Variants in SLC1A3 observed in about 807,000 individuals in gnomAD.
SLC1A3 encodes excitatory amino acid transporter 1.
SLC1A3 carries 21 observed loss-of-function variants against 48.1 expected under a neutral mutation model. That is an observed-to-expected ratio of 0.44 (90% CI 0.31 to 0.63). The LOEUF (loss-of-function observed/expected upper bound fraction) is 0.63, where lower values mean the gene tolerates loss of function less well. Among genes scored for constraint, SLC1A3 ranks in the 20% least tolerant of loss-of-function variants. SLC1A3 has a pLI of 0.08. For synonymous variants in SLC1A3, 239 were observed against 251.4 expected (o/e 0.95, Z 0.47); for missense variants, 546 against 689.0 (o/e 0.79, Z 2.32).
upstream of SLC1A3, among the ~76,000 whole-genome samples, chr5:36,603,352 C>A (rs1011200130): frequency 5.3e-5 from 8 of 152,214 alleles, no homozygotes; most frequent in African/African-American, 1.9e-4. Context: ...GATCTCATAA[C>A]CTTCTGTTGG....
intron 3 of SLC1A3, among the ~76,000 whole-genome samples, chr5:36,641,983 GA>G (rs1442070319): frequency 6.6e-6 from 1 of 152,162 alleles, no homozygotes; most frequent in Non-Finnish European, 1.5e-5. Flanking sequence ...ATACTTCAAA[GA>G]TTTCAAGCCC....
chr5:36,602,769 T>C (rs1738823071), upstream of SLC1A3, among the ~76,000 whole-genome samples: 1 of 152,204 alleles, frequency 6.6e-6, no homozygotes, highest in Non-Finnish European at 1.5e-5. Context: ...TGGTGTTCCC[T>C]AGGCTTCTGC....
intron 3 of SLC1A3, among the ~76,000 whole-genome samples, chr5:36,645,256 C>G (rs1470717062): frequency 6.8e-6 from 1 of 147,980 alleles, no homozygotes; most frequent in Non-Finnish European, 1.5e-5. Context: ...GGATCCTCCC[C>G]TTTTGAAAAC....
chr5:36,662,511 C>A (rs1352262482), intron 3 of SLC1A3, among the ~76,000 whole-genome samples: 1 of 152,192 alleles, frequency 6.6e-6, no homozygotes, highest in Non-Finnish European at 1.5e-5. Flanking sequence ...CCGCTCGCCT[C>A]TCCCTCTTGC....
chr5:36,604,495 T>A (rs960512292), upstream of SLC1A3, among the ~76,000 whole-genome samples: 2 of 152,200 alleles, frequency 1.3e-5, no homozygotes, highest in Non-Finnish European at 2.9e-5. Flanking sequence ...TAATTCCCAA[T>A]GTTTCCCTCC....
intron 3 of SLC1A3, among the ~76,000 whole-genome samples, chr5:36,645,740 G>A (rs1265539081): frequency 2.0e-5 from 3 of 152,256 alleles, no homozygotes; most frequent in Non-Finnish European, 4.4e-5. Flanking sequence ...TTATTTGGAC[G>A]AGGTTAAAAT....
At chr5:36,618,011 C>T (rs1207760917) in intron 2 of SLC1A3, among the ~76,000 whole-genome samples, 5 of 152,118 alleles carry the variant, frequency 3.3e-5, no homozygotes, top group African/African-American at 1.2e-4. Flanking sequence ...AAGAGTTAGC[C>T]TCGGTACTGT....
At chr5:36,639,260 C>A (rs1457854346) in intron 3 of SLC1A3, among the ~76,000 whole-genome samples, 2 of 152,190 alleles carry the variant, frequency 1.3e-5, no homozygotes, top group Admixed American at 6.5e-5. Flanking sequence ...GTATCTACCT[C>A]ATTGGATTGT....
chr5:36,596,790 C>G lies in SLC1A3; in HGVS notation c.-96+112C>G, dbSNP rs1738746234. 1.3e-5 allele frequency among the ~76,000 whole-genome samples: 2 copies of G among 152,206 alleles called. 1 individual carries two copies. Among genetic ancestry groups the G allele is most frequent in the South Asian group, 4.1e-4 (2 of 4,832 alleles). On this transcript the variant is annotated intron_variant, in intron 1 of 9. Coordinates refer to the SLC1A3 transcript ENST00000680318. The stretch of plus-strand genomic sequence containing the variant: ...TCTGGTGAAAGGTGCTTCTTCTAGT[C>G]TTGTCTCTCTGCCTTGTGAATGTTA...
chr5:36,619,756 G>C (rs896987278), intron 2 of SLC1A3, among the ~76,000 whole-genome samples: 7 of 152,092 alleles, frequency 4.6e-5, no homozygotes, highest in Admixed American at 1.3e-4. Context: ...ATTTTTATTT[G>C]ATTTCTCATA....
In SLC1A3 at chr5:36,659,523, A is replaced by G. The variant is rs148633188; in HGVS notation, c.320-11506A>G. ...TTCTCAAAAACATCCATTTGCCAAG[A>G]GAGTGAGGGATTACATACCTTGACC... On this transcript the variant is annotated intron_variant, in intron 3 of 9. Coordinates refer to ENST00000265113, the MANE Select transcript of SLC1A3 (RefSeq NM_004172.5). Among the ~76,000 whole-genome samples, 166 of 152,304 alleles carry G rather than the reference A, an allele frequency of 1.1e-3. 1 individual carries two copies. The highest frequency in any genetic ancestry group is 9.8e-3 in the Admixed American group (150 of 15,292).
chr5:36,680,033 C>CTACA (rs1380937155), intron 7 of SLC1A3, among the ~76,000 whole-genome samples, 173 bp downstream of exon 7: 1 of 152,174 alleles, frequency 6.6e-6, no homozygotes, highest in Non-Finnish European at 1.5e-5. Context: ...AAATGCCTGG[C>CTACA]TACATATCTT....
chr5:36,654,237 T>G (rs934958716), intron 3 of SLC1A3, among the ~76,000 whole-genome samples: 2 of 152,076 alleles, frequency 1.3e-5, no homozygotes, highest in African/African-American at 4.8e-5. Context: ...GGAAACACAG[T>G]GAAAATGGTT....
intron 3 of SLC1A3, among the ~76,000 whole-genome samples, chr5:36,631,203 T>G (rs1740120405): frequency 6.6e-6 from 1 of 152,188 alleles, no homozygotes; most frequent in East Asian, 1.9e-4. Context: ...GTGGAACCAA[T>G]GTTTAGAGGT....
At chr5:36,645,395 C>T (rs780977816) in intron 3 of SLC1A3, among the ~76,000 whole-genome samples, 2 of 128,892 alleles carry the variant, frequency 1.6e-5, no homozygotes, top group South Asian at 2.8e-4. Context: ...GGCGTGTTCT[C>T]GGCTCACTGT....
intron 2 of SLC1A3, among the ~76,000 whole-genome samples, chr5:36,620,488 T>C (rs1370743794): frequency 6.6e-6 from 1 of 152,204 alleles, no homozygotes; most frequent in Non-Finnish European, 1.5e-5. Context: ...GCTACTATGT[T>C]CAGGGATTGC....
chr5:36,643,158 C>T (rs886738216), intron 3 of SLC1A3, among the ~76,000 whole-genome samples: 1 of 152,092 alleles, frequency 6.6e-6, no homozygotes, highest in African/African-American at 2.4e-5. Context: ...ATTTTCATTT[C>T]TCTTGTGTAT....
chr5:36,671,037 G>A lies in SLC1A3; in HGVS notation c.328G>A (p.Ala110Thr), dbSNP rs1412234747. The A allele has an allele frequency of 1.2e-6, 2 of 1,613,792 alleles. No individual in the cohort carries two copies. Among genetic ancestry groups the A allele is most frequent in the African/African-American group, 2.7e-5 (2 of 74,912 alleles). ...IISSLVTGMA[A>T]LDSKASGKMG... ...CTGTTTGCCTCCACCAGGAATGGCG[G>A]CGCTAGATAGTAAGGCATCAGGGAA... The change falls in exon 4 of 10, where the codon GCG (alanine) becomes ACG (threonine). Residue 110 changes from alanine (A) to threonine (T), a missense_variant. Ala to Thr is a moderately conservative substitution (Grantham distance 58). Coordinates refer to ENST00000265113, the MANE Select transcript of SLC1A3 (RefSeq NM_004172.5).
intron 6 of SLC1A3, among the ~76,000 whole-genome samples, chr5:36,679,173 AGTCTGGATATTG>A (rs1742330364): frequency 6.6e-6 from 1 of 152,202 alleles, no homozygotes; most frequent in Non-Finnish European, 1.5e-5. Context: ...TGCTTCCAAA[AGTCTGGATATTG>A]GTACAGTGGA....
Sources: gnomAD v4.1 joint callset for allele counts (sites outside exome capture counted in the v4.1 genomes callset) on GRCh38, gnomAD v4.1.1 for gene constraint, MANE v1.5 for transcripts, NCBI Gene and HGNC (gene_info 2026-07-23, HGNC 2026-07-21) for gene names.